Variants in ANO3 observed in about 807,000 individuals in gnomAD.
ANO3 encodes anoctamin-3.
A neutral mutation model predicts 144.8 loss-of-function variants in ANO3; 99 were observed. The ratio of observed to expected loss-of-function variants is 0.68; its 90% CI spans 0.58 to 0.81. ANO3 has a LOEUF of 0.81. ANO3 is among the 30% of genes least tolerant of loss of function. ANO3 has a pLI of 0.00. For missense variants in ANO3, 905 were observed against 1,202.2 expected (o/e 0.75, Z 3.66); for synonymous variants, 414 against 392.6 (o/e 1.05, Z -0.64).
intron 1 of ANO3, among the ~76,000 whole-genome samples, chr11:26,407,488 C>G (rs1857319897): frequency 6.6e-6 from 1 of 151,656 alleles, no homozygotes; most frequent in Non-Finnish European, 1.5e-5. Flanking sequence ...CTTGTGAATT[C>G]TAACTTTATA....
At chr11:26,259,910 C>T (rs554693644) in intron 1 of ANO3, among the ~76,000 whole-genome samples, 5 of 152,186 alleles carry the variant, frequency 3.3e-5, no homozygotes, top group African/African-American at 7.2e-5. Context: ...ATGGCTAACA[C>T]GTTACCCTGG....
intron 3 of ANO3, among the ~76,000 whole-genome samples, chr11:26,448,320 G>A (rs7109872): frequency 2.3e-4 from 34 of 146,730 alleles, no homozygotes; most frequent in Admixed American, 4.7e-4. Context: ...AAAAAAGAAA[G>A]AAATATTTAG....
At chr11:26,534,186 A>G (rs963085042) in intron 8 of ANO3, among the ~76,000 whole-genome samples, 71 of 152,246 alleles carry the variant, frequency 4.7e-4, no homozygotes, top group African/African-American at 1.7e-3. Context: ...TATAAAATGT[A>G]TGGGAGCCAA....
rs573097933 is a variant in ANO3 at position 26,454,912 on chromosome 11, GT to G, written c.314-8116del. On this transcript the variant is annotated intron_variant, in intron 3 of 26. Coordinates refer to ENST00000256737, the MANE Select transcript of ANO3 (RefSeq NM_031418.4). ...GCTTCATCCCTGGGATGCAAGGCTG[GT>G]TCAATATACGTAAATCAATAAATGT... 1.2e-3 allele frequency among the ~76,000 whole-genome samples: 178 copies of G among 146,646 alleles called. 1 individual carries two copies. Among genetic ancestry groups the G allele is most frequent in the African/African-American group, 4.2e-3 (170 of 40,834 alleles).
At chr11:26,578,052 G>C (rs1393866783) in intron 14 of ANO3, among the ~76,000 whole-genome samples, 1 of 152,184 alleles carries the variant, frequency 6.6e-6, no homozygotes, top group Non-Finnish European at 1.5e-5. Context: ...GAGTGAGACC[G>C]AGTAGGAGAA....
chr11:26,281,829 T>C (rs2133845013), intron 1 of ANO3, among the ~76,000 whole-genome samples: 1 of 152,294 alleles, frequency 6.6e-6, no homozygotes, highest in East Asian at 1.9e-4. Flanking sequence ...CAAGTTAAGT[T>C]TGAAGACATT....
intron 6 of ANO3, among the ~76,000 whole-genome samples, chr11:26,524,007 A>G (rs931595895): frequency 4.6e-5 from 7 of 152,186 alleles, no homozygotes; most frequent in Admixed American, 3.3e-4. Flanking sequence ...TGAAAAAAAT[A>G]CTGTATTTAG....
At chr11:26,234,114 A>G (rs1852463291) in intron 1 of ANO3, among the ~76,000 whole-genome samples, 1 of 152,222 alleles carries the variant, frequency 6.6e-6, no homozygotes. Flanking sequence ...AATAAAAAAC[A>G]AAACAAAACA....
At chr11:26,474,029 A>G in intron 4 of ANO3, 1 of 985,196 alleles carries the variant, frequency 1.0e-6, no homozygotes, top group South Asian at 4.7e-5. Flanking sequence ...GAGAACTTTC[A>G]GTTGTCACAC....
chr11:26,289,456 C>T (rs1407345579), intron 1 of ANO3, among the ~76,000 whole-genome samples: 1 of 148,806 alleles, frequency 6.7e-6, no homozygotes, highest in African/African-American at 2.5e-5. Flanking sequence ...ATATATAGCA[C>T]TGCCTATTTT....
chr11:26,593,905 A>T (rs2132904548), intron 14 of ANO3, among the ~76,000 whole-genome samples: 1 of 152,196 alleles, frequency 6.6e-6, no homozygotes, highest in East Asian at 1.9e-4. Context: ...CTCTATTATA[A>T]AAAACCAAGG....
intron 4 of ANO3, among the ~76,000 whole-genome samples, chr11:26,499,535 C>G (rs1318745324): frequency 6.6e-6 from 1 of 150,778 alleles, no homozygotes; most frequent in Admixed American, 6.6e-5. Flanking sequence ...TTTAGTGTCT[C>G]TAATTGAGTA....
intron 1 of ANO3, among the ~76,000 whole-genome samples, chr11:26,261,849 G>T (rs781683703): frequency 6.6e-6 from 1 of 152,184 alleles, no homozygotes; most frequent in African/African-American, 2.4e-5. Context: ...ATTCTGAAAC[G>T]TTTGAATTAG....
intron 1 of ANO3, among the ~76,000 whole-genome samples, chr11:26,434,225 C>A (rs1194211044): frequency 6.6e-6 from 1 of 152,050 alleles, no homozygotes; most frequent in Non-Finnish European, 1.5e-5. Context: ...TTCATTAATA[C>A]TCTCTGATGG....
chr11:26,244,889 T>G (rs1294097027), intron 1 of ANO3, among the ~76,000 whole-genome samples: 1 of 152,042 alleles, frequency 6.6e-6, no homozygotes, highest in Non-Finnish European at 1.5e-5. Context: ...ATTTGTTAAT[T>G]CCAGGCACAC....
chr11:26,309,890 A>T (rs189018824), intron 1 of ANO3, among the ~76,000 whole-genome samples: 1 of 152,314 alleles, frequency 6.6e-6, no homozygotes, highest in East Asian at 1.9e-4. Flanking sequence ...TGCAAAGCAT[A>T]TTCACATATG....
chr11:26,566,246 T>G (rs528915531), intron 14 of ANO3, among the ~76,000 whole-genome samples: 81 of 152,118 alleles, frequency 5.3e-4, no homozygotes, highest in African/African-American at 1.7e-3. Context: ...GTATATGAAC[T>G]GTTAAATAAC....
intron 1 of ANO3, among the ~76,000 whole-genome samples, chr11:26,293,575 A>G (rs867144104): frequency 1.8e-4 from 21 of 116,136 alleles, no homozygotes; most frequent in Non-Finnish European, 9.0e-5. Flanking sequence ...ATATATATAT[A>G]TTCCTGTTGT....
intron 7 of ANO3, among the ~76,000 whole-genome samples, chr11:26,529,912 A>G (rs1250065045): frequency 1.3e-5 from 2 of 152,154 alleles, no homozygotes; most frequent in African/African-American, 4.8e-5. Flanking sequence ...AGATTTCCCA[A>G]ACAGTGTCCA....
Sources: allele counts gnomAD v4.1 joint callset (sites outside exome capture counted in the v4.1 genomes callset), GRCh38; gene constraint gnomAD v4.1.1; transcripts MANE v1.5; gene names NCBI Gene and HGNC (gene_info 2026-07-23, HGNC 2026-07-21).